Variants in SLC35D2 observed in about 807,000 individuals in gnomAD.
The protein encoded by SLC35D2 is solute carrier family 35 member D2.
A neutral mutation model predicts 41.8 loss-of-function variants in SLC35D2; 43 were observed. The observed-to-expected ratio is 1.03, with a 90% CI of 0.81 to 1.33. The LOEUF (loss-of-function observed/expected upper bound fraction) is 1.33, where lower values mean the gene tolerates loss of function less well. SLC35D2 is among the 40% of genes most tolerant of loss of function. The pLI, the probability that SLC35D2 is intolerant of heterozygous loss-of-function variation, is 0.00. For synonymous variants in SLC35D2, 150 were observed against 163.9 expected, an observed-to-expected ratio of 0.92 and a Z score of 0.65; for missense variants, 380 against 408.4, an observed-to-expected ratio of 0.93 and a Z score of 0.60.
exon 12 of SLC35D2, chr9:96,314,069 T>G (rs1587817008): frequency 6.6e-6 from 1 of 152,470 alleles, no homozygotes; most frequent in Non-Finnish European, 1.5e-5. Context: ...CTAGGCAACA[T>G]AGAAAGATCC....
At chr9:96,365,083 G>A (rs866768100) in intron 2 of SLC35D2, among the ~76,000 whole-genome samples, 1 of 150,224 alleles carries the variant, frequency 6.7e-6, no homozygotes, top group East Asian at 1.9e-4. Flanking sequence ...GCTGGGTGCC[G>A]TGGCTCATGC....
intron 6 of SLC35D2, chr9:96,350,637 A>G (rs1829774987): frequency 2.0e-5 from 3 of 153,796 alleles, no homozygotes; most frequent in Admixed American, 1.3e-4. Context: ...AGTAGTAGTC[A>G]TGCACCAGTG....
chr9:96,379,630 A>G (rs1831107346), intron 1 of SLC35D2, among the ~76,000 whole-genome samples: 1 of 152,164 alleles, frequency 6.6e-6, no homozygotes, highest in South Asian at 2.1e-4. Context: ...ATCCTCAGAC[A>G]ACTCATGCTT....
chr9:96,329,836 A>G (rs1254658090), intron 9 of SLC35D2, among the ~76,000 whole-genome samples: 1 of 152,268 alleles, frequency 6.6e-6, no homozygotes, highest in Non-Finnish European at 1.5e-5. Context: ...AAAGGAATCT[A>G]TATTAGTCAG....
chr9:96,378,586 G>C (rs987853181), intron 1 of SLC35D2, among the ~76,000 whole-genome samples: 1 of 152,034 alleles, frequency 6.6e-6, no homozygotes. Flanking sequence ...TCACAGACTA[G>C]GAGTATAATA....
At chr9:96,373,636 G>A (rs1456653552) in intron 1 of SLC35D2, among the ~76,000 whole-genome samples, 4 of 148,506 alleles carry the variant, frequency 2.7e-5, no homozygotes, top group African/African-American at 1.0e-4. Flanking sequence ...GCAGTGAGCA[G>A]AGATCACGCC....
intron 1 of SLC35D2, among the ~76,000 whole-genome samples, chr9:96,377,909 T>C (rs1171922734): frequency 6.6e-6 from 1 of 152,152 alleles, no homozygotes; most frequent in Admixed American, 6.6e-5. Context: ...CCCAATCCCA[T>C]CTCCTGGCCT....
At chr9:96,365,666 C>A (rs898609770) in intron 2 of SLC35D2, among the ~76,000 whole-genome samples, 3 of 152,128 alleles carry the variant, frequency 2.0e-5, no homozygotes, top group African/African-American at 7.2e-5. Flanking sequence ...AAAAAAAGTT[C>A]TTTAAACTTT....
rs1444938398 is a variant in SLC35D2, at chr9:96,321,256, C to A, written c.1000G>T (p.Asp334Tyr). The A allele has an allele frequency of 6.2e-7, 1 of 1,613,572 alleles. No individual in the cohort carries two copies. Among genetic ancestry groups the A allele is most frequent in the Non-Finnish European group, 8.5e-7 (1 of 1,179,526 alleles). ...KPVGEENICLDLKS is the reference protein window; with the variant it reads ...KPVGEENICLYLKS ...CTGCAGACTCTTTAGCTCTTCAAAT[C>A]CAAACAGATGTTTTCTTCACCCACA... The change falls in exon 12 of 12, where the codon GAT becomes TAT. Residue 334 changes from aspartate to tyrosine, a missense_variant. By Grantham distance (160) the Asp-to-Tyr change is radical. Transcript: ENST00000253270.
chr9:96,372,139 C>T (rs746271315), intron 1 of SLC35D2, among the ~76,000 whole-genome samples: 3 of 152,180 alleles, frequency 2.0e-5, no homozygotes, highest in Non-Finnish European at 1.5e-5. Flanking sequence ...TGTAAGACGA[C>T]GTTCCCAGGG....
At position 96,358,080 on chromosome 9, in the gene SLC35D2, T is replaced by TATATATA. The variant is rs1554715405; in HGVS notation, c.347+2073_347+2074insTATATAT. ...ATGGATAAACAAAATATTATATATT[T>TATATATA]TATATATATATATATATATATATAT... is the stretch of plus-strand genomic sequence containing the variant. On this transcript the variant is annotated intron_variant, in intron 4 of 11. Coordinates refer to ENST00000253270, the MANE Select transcript of SLC35D2 (RefSeq NM_007001.3). Among the ~76,000 whole-genome samples, 651 of 122,646 alleles carry TATATATA rather than the reference T, an allele frequency of 5.3e-3. 16 individuals are homozygous for TATATATA. The highest frequency in any genetic ancestry group is 8.7e-3 in the Non-Finnish European group (545 of 62,888). The allele number at this position is 122,646 out of a possible 152,430, so 80.5% of individuals were successfully genotyped here.
At chr9:96,374,813 G>C (rs1024554131) in intron 1 of SLC35D2, among the ~76,000 whole-genome samples, 1 of 149,314 alleles carries the variant, frequency 6.7e-6, no homozygotes, top group African/African-American at 2.5e-5. Flanking sequence ...ACTCCAGCCT[G>C]CGCAAAAGAG....
Position 96,321,305 on chromosome 9 carries a change from C to A in SLC35D2, c.951G>T (p.Leu317=). Residue 317 remains leucine (L), a synonymous_variant, in exon 12 of 12, where the codon CTG becomes CTT. Transcript: ENST00000253270. ...AGGLRYSFLT[L]SSQLKPKPVG... ...CAGGTTTAGGTTTTAACTGGCTGCT[C>A]AGTGTTAAAAAGGAATATCTCAAGC... 6.2e-7 allele frequency: 1 copy of A among 1,613,858 alleles called. No individual in the cohort carries two copies. Among genetic ancestry groups the A allele is most frequent in the South Asian group, 1.1e-5 (1 of 91,064 alleles).
chr9:96,351,638 TTTC>T (rs1829818367), intron 5 of SLC35D2, among the ~76,000 whole-genome samples: 2 of 152,196 alleles, frequency 1.3e-5, no homozygotes, highest in Non-Finnish European at 2.9e-5. Context: ...TAAAAATTAA[TTTC>T]TTCTGATATT....
chr9:96,341,948 AT>A (rs1272727521), intron 8 of SLC35D2, among the ~76,000 whole-genome samples: 13 of 115,036 alleles, frequency 1.1e-4, no homozygotes, highest in African/African-American at 4.8e-4. Context: ...GAAAAAAAAA[AT>A]ATATATATAT....
chr9:96,353,590 C>T (rs1829902248), intron 4 of SLC35D2, among the ~76,000 whole-genome samples: 1 of 152,194 alleles, frequency 6.6e-6, no homozygotes, highest in Non-Finnish European at 1.5e-5. Context: ...AGGCGATCCA[C>T]CTGCCTCAGC....
intron 11 of SLC35D2, 114 bp from the exon 12 acceptor site, chr9:96,321,455 A>G (rs1021097731): frequency 8.7e-6 from 6 of 690,738 alleles, no homozygotes; most frequent in Middle Eastern, 2.4e-4. Flanking sequence ...AATTATTCCA[A>G]TATCTGTGTT....
At position 96,322,072 on chromosome 9, in the gene SLC35D2, G is replaced by A. The variant is rs531815727; in HGVS notation, c.840C>T (p.Ser280=). ...CGATTAATATCCCAATGTAGGCAAC[G>A]GATACATTCTGCAGAAAAAGAGAGA... ...TAVVGAIKNV[S]VAYIGILIGG... The change falls in exon 11 of 12, where the codon TCC becomes TCT. Residue 280 remains serine, a synonymous_variant. Transcript: ENST00000253270. The A allele has an allele frequency of 4.1e-5, 65 of 1,593,558 alleles. No homozygotes were observed. Among genetic ancestry groups the A allele is most frequent in the Admixed American group, 1.0e-4 (6 of 59,378 alleles).
intron 5 of SLC35D2, among the ~76,000 whole-genome samples, chr9:96,351,555 C>G (rs1402168990): frequency 6.6e-6 from 1 of 151,946 alleles, no homozygotes; most frequent in Non-Finnish European, 1.5e-5. Context: ...AAATAATCCT[C>G]CCAGCAAAAT....
Sources: gnomAD v4.1 joint callset for allele counts (sites outside exome capture counted in the v4.1 genomes callset) on GRCh38, gnomAD v4.1.1 for gene constraint, MANE v1.5 for transcripts, NCBI Gene and HGNC (gene_info 2026-07-23, HGNC 2026-07-21) for gene names.